The following NXPH1 variants were observed in gnomAD, a reference collection of about 807,000 sequenced individuals.
NXPH1 encodes the protein neurexophilin-1.
In NXPH1, 5 loss-of-function variants were observed where a neutral mutation model predicts 23.7. The ratio of observed to expected loss-of-function variants is 0.21; its 90% CI spans 0.11 to 0.44. The LOEUF (loss-of-function observed/expected upper bound fraction) is 0.44, where lower values mean the gene tolerates loss of function less well. Among genes scored for constraint, NXPH1 ranks in the 20% least tolerant of loss-of-function variants. NXPH1 has a pLI of 0.99. For missense variants in NXPH1, 324 were observed against 321.6 expected, an observed-to-expected ratio of 1.01 and a Z score of -0.06; for synonymous variants, 144 against 122.2, an observed-to-expected ratio of 1.18 and a Z score of -1.18.
chr7:8,561,946 A>G (rs1354023983), intron 2 of NXPH1, among the ~76,000 whole-genome samples: 2 of 151,758 alleles, frequency 1.3e-5, no homozygotes, highest in African/African-American at 2.4e-5. Flanking sequence ...CGATATACAT[A>G]TACATAGTGA....
intron 2 of NXPH1, among the ~76,000 whole-genome samples, chr7:8,607,437 A>G (rs1819519614): frequency 6.6e-6 from 1 of 152,158 alleles, no homozygotes; most frequent in South Asian, 2.1e-4. Context: ...GTTTCCATCA[A>G]CTAGACTAAT....
chr7:8,604,513 A>C (rs1237036286), intron 2 of NXPH1, among the ~76,000 whole-genome samples: 2 of 152,064 alleles, frequency 1.3e-5, no homozygotes. Flanking sequence ...CCTTTCTCTC[A>C]CCACATTTTT....
intron 2 of NXPH1, among the ~76,000 whole-genome samples, chr7:8,578,975 G>T (rs1234906317): frequency 6.6e-6 from 1 of 152,180 alleles, no homozygotes; most frequent in Non-Finnish European, 1.5e-5. Context: ...CTCAGGTATG[G>T]ATGGAGCAGG....
intron 2 of NXPH1, among the ~76,000 whole-genome samples, chr7:8,564,347 A>T (rs1418288133): frequency 1.3e-5 from 2 of 151,842 alleles, no homozygotes; most frequent in African/African-American, 4.8e-5. Flanking sequence ...TAATAAAAGT[A>T]GAATGCGTAT....
intron 2 of NXPH1, among the ~76,000 whole-genome samples, chr7:8,439,056 G>C (rs143431021): frequency 6.6e-6 from 1 of 152,142 alleles, no homozygotes; most frequent in African/African-American, 2.4e-5. Flanking sequence ...TGAATGTTAT[G>C]TATTGCAGAT....
chr7:8,529,483 G>T (rs1348292185), intron 2 of NXPH1, among the ~76,000 whole-genome samples: 1 of 152,266 alleles, frequency 6.6e-6, no homozygotes, highest in South Asian at 2.1e-4. Context: ...TCATGATAAG[G>T]GTTCACACCT....
At chr7:8,564,299 C>A (rs371458945) in intron 2 of NXPH1, among the ~76,000 whole-genome samples, 25 of 151,896 alleles carry the variant, frequency 1.6e-4, no homozygotes, top group African/African-American at 6.0e-4. Context: ...ACCAGCGTAG[C>A]AGTAAATTAA....
chr7:8,516,797 G>A (rs1817694191), intron 2 of NXPH1, among the ~76,000 whole-genome samples: 1 of 152,132 alleles, frequency 6.6e-6, no homozygotes. Flanking sequence ...AAACAGGTTT[G>A]CAAAGCTGTT....
chr7:8,723,991 TA>T (rs1403228703), intron 2 of NXPH1, among the ~76,000 whole-genome samples: 2 of 152,226 alleles, frequency 1.3e-5, no homozygotes, highest in East Asian at 3.8e-4. Flanking sequence ...GTAGATAAGT[TA>T]ATAAATAATC....
At chr7:8,569,547 TAAAAG>T (rs1344361259) in intron 2 of NXPH1, among the ~76,000 whole-genome samples, 2 of 151,776 alleles carry the variant, frequency 1.3e-5, no homozygotes, top group East Asian at 3.9e-4. Context: ...TGTTCAGTAA[TAAAAG>T]AAAATGTGGG....
chr7:8,695,050 A>G lies in NXPH1; in HGVS notation c.55-55958A>G, dbSNP rs1821284618. Among the ~76,000 whole-genome samples, 3 of 152,236 alleles carry G rather than the reference A, an allele frequency of 2.0e-5. No homozygotes were observed. In the South Asian group the frequency reaches 6.2e-4, roughly 32 times the overall value. On this transcript the variant is annotated intron_variant, in intron 2 of 2. Transcript: ENST00000405863. ...GATGTCTGGCAGAACTAGGATATCA[A>G]CTTTTATTAAAACAGTCCTTTTAGG...
At chr7:8,629,409 G>T (rs1031254048) in intron 2 of NXPH1, among the ~76,000 whole-genome samples, 1 of 152,074 alleles carries the variant, frequency 6.6e-6, no homozygotes, top group African/African-American at 2.4e-5. Flanking sequence ...ACTAAGAAAA[G>T]TGAATTGGTG....
intron 2 of NXPH1, among the ~76,000 whole-genome samples, chr7:8,563,859 G>C (rs1008871299): frequency 1.5e-4 from 23 of 151,692 alleles, no homozygotes; most frequent in Non-Finnish European, 3.2e-4. Context: ...ACCCTGGAGG[G>C]AGCTTAGTTA....
At position 8,729,224 on chromosome 7, in the gene NXPH1, C is replaced by T. The variant is rs889085042; in HGVS notation, c.55-21784C>T. ...TTTTTATTGCGTCTATTTGATTCTT[C>T]TCTCTTTTTTTCTTTCTTAGTCTTG... is the stretch of plus-strand genomic sequence containing the variant. On this transcript the variant is annotated intron_variant, in intron 2 of 2. Transcript: ENST00000405863. 6.1e-3 allele frequency among the ~76,000 whole-genome samples: 894 copies of T among 145,882 alleles called. 13 individuals carry two copies. The highest frequency in any genetic ancestry group is 0.023 in the African/African-American group (838 of 35,956).
At chr7:8,710,193 G>C (rs1779765208) in intron 2 of NXPH1, among the ~76,000 whole-genome samples, 1 of 152,174 alleles carries the variant, frequency 6.6e-6, no homozygotes, top group Non-Finnish European at 1.5e-5. Context: ...GATTAGAAGA[G>C]GAGGGGTCCT....
At chr7:8,488,505 T>C (rs1817198359) in intron 2 of NXPH1, among the ~76,000 whole-genome samples, 1 of 152,118 alleles carries the variant, frequency 6.6e-6, no homozygotes, top group Non-Finnish European at 1.5e-5. Flanking sequence ...CCAGGCCTCA[T>C]CTCCCTTGGT....
rs532360119 is a variant in NXPH1, at chr7:8,569,387, A to G, written c.54+133620A>G. On this transcript the variant is annotated intron_variant, in intron 2 of 2. Transcript: ENST00000405863. ...ATAAAAGAATATTTTTGAGATAATC[A>G]AGGAAAAATAGACAAGTATTAGATT... is the stretch of plus-strand genomic sequence containing the variant. Among the ~76,000 whole-genome samples, 17 of 151,996 alleles carry G rather than the reference A, an allele frequency of 1.1e-4. 1 individual carries two copies. Among genetic ancestry groups the G allele is most frequent in the Middle Eastern group, 6.8e-3 (2 of 294 alleles).
intron 2 of NXPH1, among the ~76,000 whole-genome samples, chr7:8,519,530 G>C (rs1164341761): frequency 6.6e-6 from 1 of 152,168 alleles, no homozygotes; most frequent in African/African-American, 2.4e-5. Flanking sequence ...AAAGGACTAG[G>C]TTATACAAGG....
chr7:8,737,018 G>A (rs1417280645), intron 2 of NXPH1, among the ~76,000 whole-genome samples: 2 of 151,582 alleles, frequency 1.3e-5, no homozygotes, highest in East Asian at 1.9e-4. Flanking sequence ...TTTTGAGCGT[G>A]CGTGTGTGTT....
Sources: gnomAD v4.1 joint callset for allele counts (sites outside exome capture counted in the v4.1 genomes callset) on GRCh38, gnomAD v4.1.1 for gene constraint, MANE v1.5 for transcripts, NCBI Gene and HGNC (gene_info 2026-07-23, HGNC 2026-07-21) for gene names.